PCDHA9: variants seen among roughly 807,000 people sequenced by gnomAD.
The protein encoded by PCDHA9 is protocadherin alpha-9.
A neutral mutation model predicts 62.0 loss-of-function variants in PCDHA9; 62 were observed. The ratio of observed to expected loss-of-function variants is 1.00; its 90% CI spans 0.81 to 1.23. PCDHA9 has a LOEUF of 1.23. PCDHA9 is among the 50% of genes most tolerant of loss of function. The pLI, the probability that PCDHA9 is intolerant of heterozygous loss-of-function variation, is 0.00. For missense variants in PCDHA9, 1,205 were observed against 1,249.8 expected, an observed-to-expected ratio of 0.96 and a Z score of 0.54; for synonymous variants, 557 against 567.6, an observed-to-expected ratio of 0.98 and a Z score of 0.27.
intron 3 of PCDHA9, among the ~76,000 whole-genome samples, chr5:141,007,850 C>A (rs1299909821): frequency 6.6e-6 from 1 of 152,156 alleles, no homozygotes; most frequent in Non-Finnish European, 1.5e-5. Context: ...GACTCAAAGT[C>A]CTTAAAGGTC....
At chr5:140,976,697 T>C (rs2096727777) in intron 1 of PCDHA9, among the ~76,000 whole-genome samples, 1 of 152,224 alleles carries the variant, frequency 6.6e-6, no homozygotes, top group Non-Finnish European at 1.5e-5. Context: ...AGTACAATAA[T>C]GTTGACTTTG....
intron 1 of PCDHA9, among the ~76,000 whole-genome samples, chr5:140,855,480 A>T (rs567213059): frequency 4.7e-5 from 7 of 150,092 alleles, no homozygotes; most frequent in Middle Eastern, 6.8e-3. Context: ...GATGCTTGAC[A>T]TTAGTGTCTA....
intron 1 of PCDHA9, among the ~76,000 whole-genome samples, chr5:140,902,664 A>G (rs2069638514): frequency 6.6e-6 from 1 of 152,128 alleles, no homozygotes. Context: ...CTGTCACCCA[A>G]GCAGTGTACA....
chr5:140,855,744 T>C, intron 1 of PCDHA9: 1 of 316,692 alleles, frequency 3.2e-6, no homozygotes, highest in Non-Finnish European at 5.8e-6. Context: ...AGACGTAATG[T>C]GAGGCTTTGA....
intron 1 of PCDHA9, among the ~76,000 whole-genome samples, chr5:140,915,282 T>C (rs2077058994): frequency 2.0e-5 from 3 of 152,152 alleles, no homozygotes; most frequent in South Asian, 2.1e-4. Flanking sequence ...CATCATTTAC[T>C]CTTTCTACTT....
At chr5:140,872,207 T>C (rs1372716316) in intron 1 of PCDHA9, among the ~76,000 whole-genome samples, 1 of 152,224 alleles carries the variant, frequency 6.6e-6, no homozygotes, top group African/African-American at 2.4e-5. Flanking sequence ...ATAAATTCAT[T>C]ATATATGAAA....
intron 1 of PCDHA9, chr5:140,871,086 G>A (rs556097993): frequency 6.6e-5 from 106 of 1,613,256 alleles, no homozygotes; most frequent in Middle Eastern, 1.6e-4. Flanking sequence ...TGACGGCCAC[G>A]GCCACCGTGC....
At chr5:140,955,183 G>A (rs556157825) in intron 1 of PCDHA9, among the ~76,000 whole-genome samples, 1 of 152,122 alleles carries the variant, frequency 6.6e-6, no homozygotes, top group South Asian at 2.1e-4. Flanking sequence ...GTAGTTTTGT[G>A]GTGTATATGA....
rs1261636098 is a variant in PCDHA9, at chr5:140,968,913, C to G, written c.2395-10036C>G. 6.8e-6 allele frequency: 11 copies of G among 1,614,036 alleles called. No homozygotes were observed. Among genetic ancestry groups the G allele is most frequent in the Non-Finnish European group, 8.5e-6 (10 of 1,180,044 alleles). On this transcript the variant is annotated intron_variant, in intron 1 of 3. Transcript: ENST00000532602. ...CTAATAATAGCATTAAGCACAGTGT[C>G]TTTTATATTTCTTTTGACAATCATC...
At position 141,000,391 on chromosome 5, in the gene PCDHA9, CTCTCTATA is replaced by C. The variant is rs1374519322; in HGVS notation, c.2543-9234_2543-9227del. Reference sequence around the variant, plus strand: ...TCTCTCTCTCTCTCTCTCTCTCTCTCTCTCTATATATATATATATATATATATATATTT... The same window carrying C: ...TCTCTCTCTCTCTCTCTCTCTCTCTCTATATATATATATATATATATATTT... On this transcript the variant is annotated intron_variant, in intron 3 of 3. Transcript: ENST00000532602. Among the ~76,000 whole-genome samples the C allele has an allele frequency of 7.6e-3, 431 of 56,394 alleles. 1 individual carries two copies. The highest frequency in any genetic ancestry group is 0.013 in the African/African-American group (152 of 11,988). The allele number at this position is 56,394 out of a possible 152,430, so 37.0% of individuals were successfully genotyped here. A position where few individuals can be genotyped will look rare whatever the true frequency, so the allele number is the denominator to read the frequency against.
intron 1 of PCDHA9, chr5:140,859,459 C>A (rs1379028308): frequency 9.2e-6 from 2 of 216,756 alleles, no homozygotes; most frequent in Non-Finnish European, 1.8e-5. Context: ...AGTGACAAAA[C>A]TACACTATCA....
At chr5:141,005,967 A>ACAATTC (rs1554260442) in intron 3 of PCDHA9, among the ~76,000 whole-genome samples, 1 of 152,062 alleles carries the variant, frequency 6.6e-6, no homozygotes, top group Non-Finnish European at 1.5e-5. Flanking sequence ...CAATAAAAAA[A>ACAATTC]CAATTCCAAA....
intron 1 of PCDHA9, among the ~76,000 whole-genome samples, chr5:140,945,249 T>C (rs1181677082): frequency 6.6e-6 from 1 of 152,050 alleles, no homozygotes; most frequent in African/African-American, 2.4e-5. Flanking sequence ...ACCAAGAGGA[T>C]GAAAGACCTG....
At position 140,850,290 on chromosome 5, in the gene PCDHA9, G is replaced by C. The variant is rs2150477897; in HGVS notation, c.1795G>C (p.Ala599Pro). Residue 599 changes from alanine (A) to proline (P), a missense_variant, in exon 1 of 4, where the codon GCC (alanine) becomes CCC (proline). Transcript: ENST00000532602. The stretch of plus-strand genomic sequence containing the variant: ...GGTGGGGAAGGTGCGCGCAGTGGAC[G>C]CCGACTCGGGCTACAACGCGTGGCT... ...VVVGKVRAVD[A>P]DSGYNAWLSY... The C allele has an allele frequency of 6.3e-7, 1 of 1,595,932 alleles. No homozygotes were observed. The highest frequency in any genetic ancestry group is 1.1e-5 in the South Asian group (1 of 90,472).
At chr5:140,991,411 C>G (rs905076175) in intron 3 of PCDHA9, among the ~76,000 whole-genome samples, 8 of 152,156 alleles carry the variant, frequency 5.3e-5, no homozygotes, top group Admixed American at 5.2e-4. Flanking sequence ...TCCCATTATG[C>G]TATAACAAAT....
chr5:140,996,172 C>G (rs1694773459), intron 3 of PCDHA9, among the ~76,000 whole-genome samples: 1 of 152,210 alleles, frequency 6.6e-6, no homozygotes, highest in African/African-American at 2.4e-5. Flanking sequence ...AATGTGCTGA[C>G]AGCACCTCCA....
rs782779617 is a variant in PCDHA9 at position 140,857,239 on chromosome 5, G to C, written c.2394+6350G>C. On this transcript the variant is annotated intron_variant, in intron 1 of 3. Coordinates refer to ENST00000532602, the MANE Select transcript of PCDHA9 (RefSeq NM_031857.2). ...CGCCTCACGTTCCGTTCAAGCTGGT[G>C]TCCACCTACAAGAATTACTACTCAT... is the stretch of plus-strand genomic sequence containing the variant. The C allele has an allele frequency of 6.9e-6, 11 of 1,598,550 alleles. 2 individuals carry two copies. The highest frequency in any genetic ancestry group is 7.7e-6 in the Non-Finnish European group (9 of 1,167,946).
At chr5:140,874,935 G>T (rs2055180248) in intron 1 of PCDHA9, among the ~76,000 whole-genome samples, 1 of 152,168 alleles carries the variant, frequency 6.6e-6, no homozygotes, top group South Asian at 2.1e-4. Context: ...AAAAGTTATT[G>T]AAACAGCGGA....
intron 1 of PCDHA9, among the ~76,000 whole-genome samples, chr5:140,897,105 C>T (rs981189512): frequency 3.3e-5 from 5 of 152,062 alleles, no homozygotes; most frequent in South Asian, 2.1e-4. Flanking sequence ...TAAAAATCTC[C>T]ACTTTCTGTC....
Sources: allele counts gnomAD v4.1 joint callset (sites outside exome capture counted in the v4.1 genomes callset), GRCh38; gene constraint gnomAD v4.1.1; transcripts MANE v1.5; gene names NCBI Gene and HGNC (gene_info 2026-07-23, HGNC 2026-07-21).